SLC6A4: variants seen among roughly 807,000 people sequenced by gnomAD.
SLC6A4 encodes solute carrier family 6 member 4, also known as sodium-dependent serotonin transporter.
SLC6A4 carries 22 observed loss-of-function variants against 73.4 expected under a neutral mutation model. The ratio of observed to expected loss-of-function variants is 0.30; its 90% CI spans 0.21 to 0.43. SLC6A4 has a LOEUF of 0.43. Among genes scored for constraint, SLC6A4 ranks in the 20% least tolerant of loss-of-function variants. The probability of loss-of-function intolerance (pLI) is 1.00; values close to 1 mark genes in which losing one functional copy is unlikely to be tolerated. For synonymous variants in SLC6A4, 270 were observed against 315.5 expected (o/e 0.86, Z 1.53); for missense variants, 593 against 808.5 (o/e 0.73, Z 3.23).
At position 30,198,128 on chromosome 17, in the gene SLC6A4, T is replaced by C. The variant is rs13306796; in HGVS notation, c.*328A>G. 1.3e-3 allele frequency: 353 copies of C among 274,566 alleles called. 2 individuals carry two copies. The East Asian group carries it at 0.021, about 16-fold the overall frequency. 17.0% of individuals were successfully genotyped at this position (274,566 alleles called of 1,614,324 possible). On this transcript the variant is annotated 3_prime_UTR_variant, in exon 15 of 15. Coordinates refer to ENST00000650711, the MANE Select transcript of SLC6A4 (RefSeq NM_001045.6). ...TACCAATGATCATACCAAGAAATGATACAGGAGACTTTCACAGACTTGATT... is the reference window on the plus strand; with the variant it reads ...TACCAATGATCATACCAAGAAATGACACAGGAGACTTTCACAGACTTGATT...
rs1227764906 is a variant in SLC6A4 at position 30,195,198 on chromosome 17, G to A, written c.*3258C>T. On this transcript the variant is annotated 3_prime_UTR_variant, in exon 15 of 15. Transcript: ENST00000650711. Reference sequence around the variant, plus strand: ...GAAACAAAAGGACAGACATATTTAAGATTCCATCCTAAAATATTTATCTTT... The same window carrying A: ...GAAACAAAAGGACAGACATATTTAAAATTCCATCCTAAAATATTTATCTTT... 1 of 152,184 alleles carries A rather than the reference G, an allele frequency of 6.6e-6. No homozygotes were observed. Among genetic ancestry groups the A allele is most frequent in the Non-Finnish European group, 1.5e-5 (1 of 68,030 alleles). 9.4% of individuals were successfully genotyped at this position (152,184 alleles called of 1,614,324 possible).
intron 3 of SLC6A4, among the ~76,000 whole-genome samples, chr17:30,220,083 G>C (rs1460652937): frequency 1.3e-5 from 2 of 152,136 alleles, no homozygotes; most frequent in Admixed American, 6.6e-5. Flanking sequence ...GCTCCTCCTA[G>C]GCAGGAAGCG....
chr17:30,200,891 C>T (rs1324874851), intron 14 of SLC6A4, among the ~76,000 whole-genome samples: 1 of 152,134 alleles, frequency 6.6e-6, no homozygotes, highest in African/African-American at 2.4e-5. Flanking sequence ...AAGCAATTTC[C>T]ATGCCTCGGC....
chr17:30,202,182 C>G (rs1347255363), intron 14 of SLC6A4, among the ~76,000 whole-genome samples: 4 of 152,184 alleles, frequency 2.6e-5, no homozygotes, highest in African/African-American at 9.6e-5. Context: ...GTGATGGACT[C>G]ATGTCTAAAT....
intron 6 of SLC6A4, 39 bp downstream of exon 6, chr17:30,217,127 C>G (rs201651368): frequency 6.3e-7 from 1 of 1,596,582 alleles, no homozygotes; most frequent in Non-Finnish European, 8.5e-7. Context: ...CCTGTGGGCC[C>G]CTGGGCAGGC....
At position 30,218,279 on chromosome 17, in the gene SLC6A4, G is replaced by A. The variant is rs1443285742; in HGVS notation, c.537C>T (p.Ile179=). The A allele has an allele frequency of 2.5e-6, 4 of 1,614,226 alleles. No homozygotes were observed. Among genetic ancestry groups the A allele is most frequent in the Non-Finnish European group, 3.4e-6 (4 of 1,180,034 alleles). Residue 179 remains isoleucine, a synonymous_variant, in exon 5 of 15, where the codon ATC becomes ATT. Coordinates refer to ENST00000650711, the MANE Select transcript of SLC6A4 (RefSeq NM_001045.6). ...TGAGGTAGTATAGCGCCCAGGCCAT[G>A]ATGGTGTTGTAGTAGGAAGCAATGT... is the stretch of plus-strand genomic sequence containing the variant. The part of the protein sequence containing the change: ...AFYIASYYNT[I]MAWALYYLIS...
chr17:30,225,620 C>T (rs921696713), intron 1 of SLC6A4, among the ~76,000 whole-genome samples: 22 of 152,164 alleles, frequency 1.4e-4, no homozygotes, highest in Admixed American at 1.1e-3. Flanking sequence ...TCTCCATGTC[C>T]AGAAAAAGCC....
In SLC6A4 at chr17:30,217,404, C is replaced by A; in HGVS notation, c.699-100G>T. ...TGAGGGTGCCCGGGACAAATGGACA[C>A]GGTGCTGCTAGGACCAAGTGGTCAC... is the stretch of plus-strand genomic sequence containing the variant. On this transcript the variant is annotated intron_variant, in intron 5 of 14. Coordinates refer to ENST00000650711, the MANE Select transcript of SLC6A4 (RefSeq NM_001045.6). 3 of 1,226,844 alleles carry A rather than the reference C, an allele frequency of 2.4e-6. No individual in the cohort carries two copies. In the South Asian group the frequency reaches 4.4e-5, roughly 18 times the overall value. The allele number at this position is 1,226,844 out of a possible 1,614,324, so 76.0% of individuals were successfully genotyped here.
At chr17:30,229,072 C>A (rs1336999925) in intron 1 of SLC6A4, among the ~76,000 whole-genome samples, 1 of 152,158 alleles carries the variant, frequency 6.6e-6, no homozygotes, top group African/African-American at 2.4e-5. Flanking sequence ...GGGCCCTGTC[C>A]CTCCCTGCCT....
At chr17:30,207,686 G>A (rs758343283) in intron 13 of SLC6A4, 46 bp downstream of exon 13, 4 of 1,235,648 alleles carry the variant, frequency 3.2e-6, no homozygotes, top group Admixed American at 3.4e-5. Context: ...GTGTCTGGGG[G>A]AAGTCTTTCG....
At position 30,218,273 on chromosome 17, in the gene SLC6A4, G is replaced by A. The variant is rs1250510506; in HGVS notation, c.543C>T (p.Ala181=). The A allele has an allele frequency of 2.5e-6, 4 of 1,614,224 alleles. No homozygotes were observed. Among genetic ancestry groups the A allele is most frequent in the Non-Finnish European group, 3.4e-6 (4 of 1,180,030 alleles). ...AGGAGATGAGGTAGTATAGCGCCCA[G>A]GCCATGATGGTGTTGTAGTAGGAAG... The part of the protein sequence containing the change: ...YIASYYNTIM[A]WALYYLISSF... The change falls in exon 5 of 15, where the codon GCC becomes GCT. Residue 181 remains alanine, a synonymous_variant. Coordinates refer to ENST00000650711, the MANE Select transcript of SLC6A4 (RefSeq NM_001045.6).
At chr17:30,214,161 G>A (rs1410306779) in intron 8 of SLC6A4, among the ~76,000 whole-genome samples, 4 of 152,040 alleles carry the variant, frequency 2.6e-5, no homozygotes, top group East Asian at 1.9e-4. Flanking sequence ...AGTGGCTCAC[G>A]CCTGTAATCC....
intron 2 of SLC6A4, among the ~76,000 whole-genome samples, chr17:30,222,409 T>C (rs1210244844): frequency 6.6e-6 from 1 of 152,200 alleles, no homozygotes; most frequent in African/African-American, 2.4e-5. Flanking sequence ...ATCTTGTGGT[T>C]TGCCAGCAGC....
chr17:30,203,409 C>T, intron 13 of SLC6A4, 70 bp from the exon 14 acceptor site: 1 of 1,237,336 alleles, frequency 8.1e-7, no homozygotes, highest in Non-Finnish European at 1.2e-6. Flanking sequence ...GTTTCCGATA[C>T]CACAAACACC....
chr17:30,234,487 G>A (rs1416019108), intron 1 of SLC6A4, among the ~76,000 whole-genome samples: 2 of 152,142 alleles, frequency 1.3e-5, no homozygotes, highest in Admixed American at 6.5e-5. Flanking sequence ...AGGAAAACCC[G>A]AACCCTGGGG....
chr17:30,218,694 A>G, intron 4 of SLC6A4, 103 bp downstream of exon 4: 1 of 1,228,460 alleles, frequency 8.1e-7, no homozygotes, highest in Non-Finnish European at 1.2e-6. Context: ...AGGGATGCCT[A>G]AGGCCTGACT....
intron 1 of SLC6A4, among the ~76,000 whole-genome samples, chr17:30,225,307 T>C (rs1906894557): frequency 6.6e-6 from 1 of 152,150 alleles, no homozygotes; most frequent in Non-Finnish European, 1.5e-5. Context: ...CAGGAGAAGA[T>C]GCCATGTGCC....
At chr17:30,226,838 G>T (rs569222770) in intron 1 of SLC6A4, among the ~76,000 whole-genome samples, 1 of 149,838 alleles carries the variant, frequency 6.7e-6, no homozygotes, top group Non-Finnish European at 1.5e-5. Context: ...GCCAAACTGC[G>T]CTCCAGCCTG....
intron 13 of SLC6A4, among the ~76,000 whole-genome samples, chr17:30,204,787 C>G (rs1173397802): frequency 1.3e-5 from 2 of 152,128 alleles, no homozygotes; most frequent in Admixed American, 6.5e-5. Flanking sequence ...CTCTCAGGCA[C>G]TAGGGCACTT....
Sources: gnomAD v4.1 joint callset for allele counts (sites outside exome capture counted in the v4.1 genomes callset) on GRCh38, gnomAD v4.1.1 for gene constraint, MANE v1.5 for transcripts, NCBI Gene and HGNC (gene_info 2026-07-23, HGNC 2026-07-21) for gene names.